Variants in ARHGEF10L observed in about 807,000 individuals in gnomAD.
The protein encoded by ARHGEF10L is rho guanine nucleotide exchange factor 10-like protein.
In ARHGEF10L, 69 loss-of-function variants were observed where a neutral mutation model predicts 141.2. The observed-to-expected ratio is 0.49, with a 90% CI of 0.40 to 0.60. The LOEUF is 0.60. ARHGEF10L is among the 20% of genes least tolerant of loss of function. ARHGEF10L has a pLI of 0.00. For synonymous variants in ARHGEF10L, 711 were observed against 718.5 expected (o/e 0.99, Z 0.17); for missense variants, 1,482 against 1,734.3 (o/e 0.85, Z 2.58).
At chr1:17,690,908 A>T (rs998708303) in intron 27 of ARHGEF10L, among the ~76,000 whole-genome samples, 1 of 152,180 alleles carries the variant, frequency 6.6e-6, no homozygotes, top group Non-Finnish European at 1.5e-5. Flanking sequence ...AGATATTTTT[A>T]AAAGGCTTTT....
chr1:17,597,660 G>C (rs1334947938), intron 4 of ARHGEF10L, among the ~76,000 whole-genome samples: 1 of 152,212 alleles, frequency 6.6e-6, no homozygotes, highest in Non-Finnish European at 1.5e-5. Flanking sequence ...GATCACCGGG[G>C]TTCAAACTGC....
In ARHGEF10L at chr1:17,582,041, C is replaced by T. The variant is rs1049791493; in HGVS notation, c.37+1409C>T. 3.5e-4 allele frequency among the ~76,000 whole-genome samples: 54 copies of T among 152,272 alleles called. 1 individual carries two copies. The highest frequency in any genetic ancestry group is 1.3e-3 in the African/African-American group (54 of 41,546). On this transcript the variant is annotated intron_variant, in intron 2 of 28. Transcript: ENST00000361221. ...GAGTGACCAGCTCTGGCTGTGCCAC[C>T]TTTGCAGGCTATTAGGAAGGGCTTC...
At chr1:17,572,754 G>A (rs986174438) in intron 1 of ARHGEF10L, among the ~76,000 whole-genome samples, 1 of 152,190 alleles carries the variant, frequency 6.6e-6, no homozygotes, top group Non-Finnish European at 1.5e-5. Flanking sequence ...GGCAGTAGGT[G>A]CGCAGTGAGA....
chr1:17,614,404 G>A (rs780799277), intron 8 of ARHGEF10L, among the ~76,000 whole-genome samples: 1 of 152,296 alleles, frequency 6.6e-6, no homozygotes, highest in East Asian at 1.9e-4. Context: ...GGGTGGATTC[G>A]GCAGGTGTAC....
chr1:17,619,665 G>C lies in ARHGEF10L; in HGVS notation c.942+220G>C, dbSNP rs368158712. On this transcript the variant is annotated intron_variant, in intron 10 of 28. Coordinates refer to ENST00000361221, the MANE Select transcript of ARHGEF10L (RefSeq NM_018125.4). This position sits in a 1 kb window ranked among gnomAD's most constrained non-coding sequence, Gnocchi z 5.0. Reference sequence around the variant, plus strand: ...CCGTGTGCTCTGTGCTGTTGGTTTTGGGGGGTGGGCTCCCGGCATCTAGAA... The same window carrying C: ...CCGTGTGCTCTGTGCTGTTGGTTTTCGGGGGTGGGCTCCCGGCATCTAGAA... 9.2e-5 allele frequency among the ~76,000 whole-genome samples: 14 copies of C among 152,154 alleles called. No homozygotes were observed. The highest frequency in any genetic ancestry group is 3.4e-4 in the African/African-American group (14 of 41,440).
At chr1:17,530,742 G>A in the ARHGEF10L span, among the ~76,000 whole-genome samples, 6 of 152,180 alleles carry the variant, frequency 3.9e-5, no homozygotes, top group African/African-American at 1.2e-4. Flanking sequence ...CTGGTTGGGC[G>A]TGGTGGCTCA....
chr1:17,680,019 G>A (rs926774709), intron 26 of ARHGEF10L, among the ~76,000 whole-genome samples: 1 of 152,146 alleles, frequency 6.6e-6, no homozygotes, highest in African/African-American at 2.4e-5. Context: ...TGAGACCCTC[G>A]GAGGACAGCA....
intron 4 of ARHGEF10L, among the ~76,000 whole-genome samples, chr1:17,600,251 C>T (rs960824635): frequency 1.3e-5 from 2 of 152,222 alleles, no homozygotes; most frequent in African/African-American, 4.8e-5. Flanking sequence ...GCCTCCTCCC[C>T]TCCCTCTTCC....
At chr1:17,690,488 C>T (rs188743574) in intron 27 of ARHGEF10L, among the ~76,000 whole-genome samples, 125 of 152,404 alleles carry the variant, frequency 8.2e-4, no homozygotes, top group African/African-American at 2.9e-3. Flanking sequence ...GCATCTCCTG[C>T]GAGGGCTCCT....
chr1:17,637,352 C>T (rs969533450), intron 18 of ARHGEF10L, among the ~76,000 whole-genome samples: 1 of 152,206 alleles, frequency 6.6e-6, no homozygotes, highest in Non-Finnish European at 1.5e-5. Flanking sequence ...GCACAGCTTG[C>T]TCTTGGTCTT....
intron 9 of ARHGEF10L, chr1:17,618,609 C>G (rs112537116): frequency 9.9e-7 from 1 of 1,010,606 alleles, no homozygotes; most frequent in Non-Finnish European, 1.3e-6. Flanking sequence ...CTCACAGCTC[C>G]CATTTCCTGC....
chr1:17,533,509 G>A, the ARHGEF10L span, among the ~76,000 whole-genome samples: 4 of 152,120 alleles, frequency 2.6e-5, no homozygotes, highest in African/African-American at 9.7e-5. Context: ...AGGAGAATGG[G>A]CTATTCAGAC....
intron 1 of ARHGEF10L, among the ~76,000 whole-genome samples, chr1:17,561,538 C>A (rs1397191598): frequency 6.6e-6 from 1 of 152,216 alleles, no homozygotes; most frequent in Non-Finnish European, 1.5e-5. Context: ...ACCCTGACAG[C>A]AGAAGTGACT....
intron 21 of ARHGEF10L, 66 bp downstream of exon 21, chr1:17,640,368 G>A (rs1294700396): frequency 2.2e-5 from 31 of 1,427,626 alleles, no homozygotes; most frequent in Non-Finnish European, 3.0e-5. Context: ...TTTGGGGTGA[G>A]TGAGGGTACA....
intron 15 of ARHGEF10L, among the ~76,000 whole-genome samples, chr1:17,629,943 T>G (rs1024375381): frequency 2.0e-5 from 3 of 152,222 alleles, no homozygotes; most frequent in Non-Finnish European, 4.4e-5. Context: ...AGAGCCGTTC[T>G]GCCCTCTCCT....
intron 1 of ARHGEF10L, among the ~76,000 whole-genome samples, chr1:17,541,699 A>G (rs2100606683): frequency 6.6e-6 from 1 of 152,098 alleles, no homozygotes; most frequent in African/African-American, 2.4e-5. Flanking sequence ...CAGGCTCAGT[A>G]GCTCATGTCT....
At chr1:17,676,426 G>T (rs1363810046) in intron 26 of ARHGEF10L, among the ~76,000 whole-genome samples, 1 of 151,526 alleles carries the variant, frequency 6.6e-6, no homozygotes, top group East Asian at 1.9e-4. Context: ...GTAGGTGCAG[G>T]CATGGGTGCA....
chr1:17,543,598 T>G (rs1483860236), intron 1 of ARHGEF10L, among the ~76,000 whole-genome samples: 2 of 152,074 alleles, frequency 1.3e-5, no homozygotes, highest in South Asian at 2.1e-4. Context: ...AAAAAAATTT[T>G]TTTTGAGTGT....
chr1:17,632,438 A>G lies in ARHGEF10L; in HGVS notation c.1702A>G (p.Met568Val). ...KERRVFLLNDMLVCANINFKP... is the reference protein window; with the variant it reads ...KERRVFLLNDVLVCANINFKP... ...GCGTCGGGTCTTCCTGCTCAACGAC[A>G]TGCTTGTCTGTGCCAACATCAACTT... The change falls in exon 16 of 29, where the codon ATG (methionine) becomes GTG (valine). Residue 568 changes from methionine to valine, a missense_variant. This residue lies in a region of ARHGEF10L where 858 missense variants were observed against 966.3 expected (regional missense o/e 0.89). Coordinates refer to ENST00000361221, the MANE Select transcript of ARHGEF10L (RefSeq NM_018125.4). The G allele has an allele frequency of 6.2e-7, 1 of 1,614,064 alleles. No homozygotes were observed. The highest frequency in any genetic ancestry group is 8.5e-7 in the Non-Finnish European group (1 of 1,179,984).
Sources: allele counts gnomAD v4.1 joint callset (sites outside exome capture counted in the v4.1 genomes callset), GRCh38; gene constraint gnomAD v4.1.1; regional missense constraint gnomAD v4.1.1; non-coding constraint Gnocchi (gnomAD v3.1); transcripts MANE v1.5; gene names NCBI Gene and HGNC (gene_info 2026-07-23, HGNC 2026-07-21).